HEMK2: variants seen among roughly 807,000 people sequenced by gnomAD.
HEMK2 encodes the protein methyltransferase HEMK2.
the HEMK2 span, among the ~76,000 whole-genome samples, chr21:28,608,439 G>GTA: frequency 1.5e-4 from 23 of 151,724 alleles, no homozygotes; most frequent in African/African-American, 5.6e-4. Flanking sequence ...CTGATAGGAG[G>GTA]TAGGACTAAA....
At chr21:28,664,889 T>G in the HEMK2 span, among the ~76,000 whole-genome samples, 1 of 152,198 alleles carries the variant, frequency 6.6e-6, no homozygotes, top group African/African-American at 2.4e-5. Context: ...AAATTAATAT[T>G]TATTATAAGT....
At chr21:28,861,993 G>T in the HEMK2 span, among the ~76,000 whole-genome samples, 1 of 152,218 alleles carries the variant, frequency 6.6e-6, no homozygotes, top group Non-Finnish European at 1.5e-5. Flanking sequence ...TGGAAGTTAA[G>T]ATTGCCACCT....
At chr21:28,675,598 T>C in the HEMK2 span, among the ~76,000 whole-genome samples, 2,516 of 152,236 alleles carry the variant, frequency 0.017, 68 homozygotes, top group African/African-American at 0.056. Flanking sequence ...ACTATAAGGA[T>C]TGATGATGCA....
chr21:28,755,831 A>G, the HEMK2 span, among the ~76,000 whole-genome samples: 29,418 of 152,134 alleles, frequency 0.19, 3,564 homozygotes, highest in African/African-American at 0.34. Flanking sequence ...TGGTCAATCT[A>G]CTGATGGATT....
the HEMK2 span, among the ~76,000 whole-genome samples, chr21:28,792,103 T>C: frequency 0.51 from 77,318 of 151,924 alleles, 22,096 homozygotes; most frequent in East Asian, 0.78. Flanking sequence ...GCCATGGTAG[T>C]ATCTGGAAAT....
the HEMK2 span, among the ~76,000 whole-genome samples, chr21:28,587,835 C>A: frequency 2.0e-5 from 3 of 152,150 alleles, no homozygotes; most frequent in Admixed American, 6.5e-5. Flanking sequence ...GTTTTATTGA[C>A]CATCATAGTC....
the HEMK2 span, among the ~76,000 whole-genome samples, chr21:28,595,071 A>C: frequency 1.3e-5 from 2 of 152,214 alleles, no homozygotes; most frequent in Non-Finnish European, 2.9e-5. Context: ...GTATATATTT[A>C]TAAGATACAT....
the HEMK2 span, among the ~76,000 whole-genome samples, chr21:28,620,180 T>C: frequency 1.3e-5 from 2 of 152,324 alleles, no homozygotes; most frequent in East Asian, 1.9e-4. Context: ...CAGTATTTTA[T>C]TGAGGATTTT....
At chr21:28,641,626 C>T in the HEMK2 span, among the ~76,000 whole-genome samples, 13 of 152,264 alleles carry the variant, frequency 8.5e-5, no homozygotes, top group Non-Finnish European at 1.3e-4. Context: ...AGACTGGACA[C>T]CCAGCAAAAC....
chr21:28,851,321 G>GT, the HEMK2 span, among the ~76,000 whole-genome samples: 1 of 152,242 alleles, frequency 6.6e-6, no homozygotes, highest in South Asian at 2.1e-4. Context: ...TGGCCCAAGT[G>GT]TAAGAACAGC....
At chr21:28,880,895 C>T in the HEMK2 span, among the ~76,000 whole-genome samples, 2 of 132,106 alleles carry the variant, frequency 1.5e-5, no homozygotes, top group African/African-American at 3.0e-5. Flanking sequence ...ATCTCTTTGG[C>T]TTAATTCCTT....
chr21:28,675,860 G>A, the HEMK2 span, among the ~76,000 whole-genome samples: 3 of 152,288 alleles, frequency 2.0e-5, no homozygotes, highest in African/African-American at 7.2e-5. Context: ...TTGCATCTGT[G>A]TTAGCTCTTC....
At chr21:28,758,267 A>G in the HEMK2 span, among the ~76,000 whole-genome samples, 5 of 152,236 alleles carry the variant, frequency 3.3e-5, no homozygotes, top group Non-Finnish European at 5.9e-5. Flanking sequence ...CAAGAAAACA[A>G]CAGAACAAGA....
chr21:28,757,255 T>A, the HEMK2 span, among the ~76,000 whole-genome samples: 1 of 152,236 alleles, frequency 6.6e-6, no homozygotes, highest in Non-Finnish European at 1.5e-5. Context: ...CAATTATGGT[T>A]AAATTTTTTA....
the HEMK2 span, among the ~76,000 whole-genome samples, chr21:28,785,304 GATTTC>G: frequency 6.6e-6 from 1 of 152,200 alleles, no homozygotes; most frequent in Non-Finnish European, 1.5e-5. Context: ...CAGATTTTCT[GATTTC>G]AAATTTTTAA....
At chr21:28,620,723 G>GAGTGC in the HEMK2 span, among the ~76,000 whole-genome samples, 1 of 124,812 alleles carries the variant, frequency 8.0e-6, no homozygotes, top group African/African-American at 3.2e-5. Flanking sequence ...ACCCATGCTA[G>GAGTGC]AGTGCAGTGG....
the HEMK2 span, among the ~76,000 whole-genome samples, chr21:28,657,583 A>C: frequency 6.6e-6 from 1 of 152,114 alleles, no homozygotes; most frequent in Non-Finnish European, 1.5e-5. Context: ...TGCAGAGAAA[A>C]GACAAAACAA....
the HEMK2 span, among the ~76,000 whole-genome samples, chr21:28,710,943 C>T: frequency 1.3e-5 from 2 of 152,028 alleles, no homozygotes; most frequent in African/African-American, 4.8e-5. Context: ...TTAATGCCTC[C>T]CATATTCCAT....
the HEMK2 span, among the ~76,000 whole-genome samples, chr21:28,795,991 G>A: frequency 6.6e-6 from 1 of 152,108 alleles, no homozygotes; most frequent in African/African-American, 2.4e-5. Context: ...TAGCTACTGT[G>A]TCCCAGGGGG....
Sources: allele counts gnomAD v4.1 joint callset (sites outside exome capture counted in the v4.1 genomes callset), GRCh38; gene constraint gnomAD v4.1.1; transcripts MANE v1.5; gene names NCBI Gene and HGNC (gene_info 2026-07-23, HGNC 2026-07-21).